Variants in PI4KA observed in about 807,000 individuals in gnomAD.
The protein encoded by PI4KA is PI4-kinase alpha.
PI4KA carries 122 observed loss-of-function variants against 271.4 expected under a neutral mutation model. That is an observed-to-expected ratio of 0.45 (90% CI 0.39 to 0.52). PI4KA has a LOEUF of 0.52. Among genes scored for constraint, PI4KA ranks in the 20% least tolerant of loss-of-function variants. The pLI is 0.00. For synonymous variants in PI4KA, 1,041 were observed against 1,078.8 expected, an observed-to-expected ratio of 0.96 and a Z score of 0.69; for missense variants, 1,969 against 2,769.1, an observed-to-expected ratio of 0.71 and a Z score of 6.48.
At chr22:20,754,000 C>G (rs1931001086) in intron 23 of PI4KA, among the ~76,000 whole-genome samples, 1 of 151,532 alleles carries the variant, frequency 6.6e-6, no homozygotes, top group Non-Finnish European at 1.5e-5. Context: ...TGTGCTCTTT[C>G]TGCATCACGT....
rs777939619 is a variant in PI4KA, at chr22:20,721,327, T to A, written c.5087A>T (p.Tyr1696Phe). The change falls in exon 43 of 55, where the codon TAT becomes TTT. Residue 1696 changes from tyrosine to phenylalanine, a missense_variant. Physicochemically the swap from Tyr to Phe is conservative, Grantham distance 22. Transcript: ENST00000255882. ...QFIWNMKTNI[Y>F]LDEEGHQKDP... ...TTTCTGGTGGCCCTCTTCATCTAGA[T>A]AAATGTTAGTCTTCATGTTCCAGAT... The A allele has an allele frequency of 6.2e-7, 1 of 1,614,026 alleles. No homozygotes were observed. Among genetic ancestry groups the A allele is most frequent in the Non-Finnish European group, 8.5e-7 (1 of 1,179,926 alleles).
At chr22:20,792,163 T>C (rs778217462) in intron 19 of PI4KA, among the ~76,000 whole-genome samples, 20 of 152,098 alleles carry the variant, frequency 1.3e-4, no homozygotes, top group Non-Finnish European at 2.6e-4. Flanking sequence ...ATGCGACATA[T>C]GACATTTTAC....
chr22:20,841,369 A>T (rs554275856), intron 1 of PI4KA, among the ~76,000 whole-genome samples: 2 of 152,076 alleles, frequency 1.3e-5, no homozygotes, highest in African/African-American at 4.8e-5. Context: ...TACCATCCTC[A>T]ATTCCTCTGG....
Position 20,719,798 on chromosome 22 carries a change from G to A in PI4KA, c.5117-976C>T, listed in dbSNP as rs868262043. On this transcript the variant is annotated intron_variant, in intron 43 of 54. Coordinates refer to ENST00000255882, the MANE Select transcript of PI4KA (RefSeq NM_058004.4). ...TCTCAGCACTTTGGGAGGCCGACGT[G>A]AGTGGACCACAAGGTCAGGAAATTG... Among the ~76,000 whole-genome samples, 5 of 152,106 alleles carry A rather than the reference G, an allele frequency of 3.3e-5. No individual in the cohort carries two copies. The Middle Eastern group carries it at 0.01, about 310-fold the overall frequency.
At position 20,752,917 on chromosome 22, in the gene PI4KA, A is replaced by C; in HGVS notation, c.2973T>G (p.Ser991=). The change falls in exon 25 of 55, where the codon TCT becomes TCG. Residue 991 remains serine, a synonymous_variant. Coordinates refer to ENST00000255882, the MANE Select transcript of PI4KA (RefSeq NM_058004.4). ...RIRRVADKYL[S]GLVDKFPHLL... is the part of the protein sequence containing the mutation. Reference sequence around the variant, plus strand: ...AATGAGCTTACTTATCCACCAGACCAGATAGATACTTGTCTGCCACCCTCC... The same window carrying C: ...AATGAGCTTACTTATCCACCAGACCCGATAGATACTTGTCTGCCACCCTCC... 1 of 1,614,134 alleles carries C rather than the reference A, an allele frequency of 6.2e-7. No individual in the cohort carries two copies. The highest frequency in any genetic ancestry group is 1.1e-5 in the South Asian group (1 of 91,084).
intron 50 of PI4KA, 82 bp downstream of exon 50, chr22:20,712,404 G>T: frequency 6.4e-7 from 1 of 1,574,274 alleles, no homozygotes; most frequent in African/African-American, 1.3e-5. Flanking sequence ...GGAGAGCAGG[G>T]TGTGGGTGGA....
chr22:20,729,010 C>T (rs1927684597), intron 39 of PI4KA, among the ~76,000 whole-genome samples: 1 of 152,336 alleles, frequency 6.6e-6, no homozygotes, highest in East Asian at 1.9e-4. Flanking sequence ...GAGTGACAGC[C>T]TCCACATGCT....
chr22:20,856,114 T>C (rs1460267674), intron 1 of PI4KA, among the ~76,000 whole-genome samples: 1 of 152,168 alleles, frequency 6.6e-6, no homozygotes, highest in Non-Finnish European at 1.5e-5. Flanking sequence ...AAACCCCGTC[T>C]CCACTAAATA....
intron 1 of PI4KA, among the ~76,000 whole-genome samples, chr22:20,846,722 A>C (rs1404532911): frequency 6.6e-6 from 1 of 151,016 alleles, no homozygotes; most frequent in Non-Finnish European, 1.5e-5. Flanking sequence ...AAGCGTCTGT[A>C]GTCCCAGCTA....
At chr22:20,730,555 G>A (rs1324795146) in intron 36 of PI4KA, among the ~76,000 whole-genome samples, 1 of 151,238 alleles carries the variant, frequency 6.6e-6, no homozygotes, top group Non-Finnish European at 1.5e-5. Flanking sequence ...GATTACAGGA[G>A]TGAGCCACTG....
In PI4KA at chr22:20,717,768, T is replaced by G; in HGVS notation, c.5257A>C (p.Lys1753Gln). The G allele has an allele frequency of 6.4e-7, 1 of 1,570,186 alleles. No individual in the cohort carries two copies. The highest frequency in any genetic ancestry group is 1.2e-5 in the South Asian group (1 of 85,746). The change falls in exon 45 of 55, where the codon AAA (lysine) becomes CAA (glutamine). Residue 1753 changes from lysine (K) to glutamine (Q), a missense_variant. This residue lies in a region of PI4KA where 388 missense variants were observed against 521.5 expected (regional missense o/e 0.74). Transcript: ENST00000255882. The stretch of plus-strand genomic sequence containing the variant: ...CAAGCCTTCTTTCTCTCGTCGCCTT[T>G]AGGGTAGGGCCTGAGAAACAGGAAA... Reference protein sequence around the residue: ...NVSAIIKPYPKGDERKKACLS... With the variant: ...NVSAIIKPYPQGDERKKACLS...
chr22:20,757,071 G>A (rs1931393164), intron 23 of PI4KA, among the ~76,000 whole-genome samples: 1 of 152,228 alleles, frequency 6.6e-6, no homozygotes, highest in African/African-American at 2.4e-5. Flanking sequence ...GTGCAGCTGA[G>A]AACATAACAG....
intron 23 of PI4KA, among the ~76,000 whole-genome samples, chr22:20,759,710 C>T (rs886598191): frequency 1.3e-5 from 2 of 152,168 alleles, no homozygotes; most frequent in East Asian, 1.9e-4. Context: ...GGACTACAGG[C>T]GCAGGCCACC....
chr22:20,839,880 T>C (rs889509584), intron 1 of PI4KA, among the ~76,000 whole-genome samples: 2 of 152,110 alleles, frequency 1.3e-5, no homozygotes, highest in Admixed American at 6.5e-5. Flanking sequence ...GCACAGCATA[T>C]AGTAAATGCT....
At chr22:20,741,733 C>T (rs5760288) in intron 32 of PI4KA, among the ~76,000 whole-genome samples, 1 of 152,184 alleles carries the variant, frequency 6.6e-6, no homozygotes, top group Non-Finnish European at 1.5e-5. Context: ...TTCCCTGCTA[C>T]CCTGACAGTT....
intron 19 of PI4KA, among the ~76,000 whole-genome samples, chr22:20,776,798 T>A (rs922038588): frequency 6.6e-6 from 1 of 152,178 alleles, no homozygotes; most frequent in African/African-American, 2.4e-5. Flanking sequence ...AAGTGCCTTA[T>A]ACAGCGTGTC....
At chr22:20,838,771 A>G (rs1925196463) in intron 1 of PI4KA, 40 bp from the exon 2 acceptor site, 2 of 1,160,128 alleles carry the variant, frequency 1.7e-6, no homozygotes, top group Non-Finnish European at 2.6e-6. Flanking sequence ...TCTACAAAAT[A>G]GAAAACCACA....
At chr22:20,836,192 G>A (rs910270694) in intron 2 of PI4KA, among the ~76,000 whole-genome samples, 6 of 152,176 alleles carry the variant, frequency 3.9e-5, no homozygotes, top group Admixed American at 3.3e-4. Context: ...ACCCATGAAT[G>A]AGACTTCAGG....
At chr22:20,764,987 T>C (rs1932387581) in intron 21 of PI4KA, 37 bp from the exon 22 acceptor site, 1 of 1,589,306 alleles carries the variant, frequency 6.3e-7, no homozygotes, top group Non-Finnish European at 8.6e-7. Flanking sequence ...TCATGGGGCA[T>C]CCCCCAGGAC....
Sources: gnomAD v4.1 joint callset for allele counts (sites outside exome capture counted in the v4.1 genomes callset) on GRCh38, gnomAD v4.1.1 for gene constraint, gnomAD v4.1.1 regional missense constraint, MANE v1.5 for transcripts, NCBI Gene and HGNC (gene_info 2026-07-23, HGNC 2026-07-21) for gene names.